The following PIBF1 variants were observed in gnomAD, a reference collection of about 807,000 sequenced individuals.
The protein encoded by PIBF1 is progesterone immunomodulatory binding factor 1, also known as progesterone-induced-blocking factor 1.
Under a neutral mutation model 112.5 loss-of-function variants are expected in PIBF1, and 90 were observed. The observed-to-expected ratio is 0.80, with a 90% CI of 0.67 to 0.95. The LOEUF is 0.95. PIBF1 is among the 40% of genes least tolerant of loss of function. The pLI is 0.00. For missense variants in PIBF1, 915 were observed against 852.3 expected, an observed-to-expected ratio of 1.07 and a Z score of -0.92; for synonymous variants, 301 against 288.6, an observed-to-expected ratio of 1.04 and a Z score of -0.44.
chr13:72,789,484 C>T (rs534669114), intron 2 of PIBF1, among the ~76,000 whole-genome samples: 1 of 152,188 alleles, frequency 6.6e-6, no homozygotes, highest in Admixed American at 6.5e-5. Flanking sequence ...CAGAATTGAG[C>T]TCTTTAAAAT....
chr13:72,801,039 G>C (rs1291719497), intron 5 of PIBF1, among the ~76,000 whole-genome samples: 1 of 152,182 alleles, frequency 6.6e-6, no homozygotes. Context: ...AGGCAGGGGG[G>C]TACTTTGGTA....
chr13:72,925,172 A>T (rs1397974218), intron 13 of PIBF1, among the ~76,000 whole-genome samples: 1 of 152,252 alleles, frequency 6.6e-6, no homozygotes, highest in Non-Finnish European at 1.5e-5. Context: ...TGGGAACAGG[A>T]TATAGACATC....
At chr13:72,922,008 C>G (rs189730179) in intron 13 of PIBF1, among the ~76,000 whole-genome samples, 2 of 152,308 alleles carry the variant, frequency 1.3e-5, no homozygotes, top group East Asian at 3.9e-4. Context: ...TTTTAAGAGT[C>G]TCACTCTGTT....
At chr13:72,934,592 T>A (rs2186158) in intron 14 of PIBF1, among the ~76,000 whole-genome samples, 6 of 152,068 alleles carry the variant, frequency 3.9e-5, no homozygotes, top group Non-Finnish European at 8.8e-5. Flanking sequence ...GATGAAATAC[T>A]GATAACTAAT....
intron 16 of PIBF1, among the ~76,000 whole-genome samples, chr13:72,977,632 G>A (rs193146083): frequency 6.0e-4 from 91 of 152,298 alleles, no homozygotes; most frequent in Admixed American, 2.4e-3. Flanking sequence ...GAAAAAGCAA[G>A]TAGGACAATT....
intron 9 of PIBF1, among the ~76,000 whole-genome samples, chr13:72,842,735 A>G (rs1020696291): frequency 6.6e-6 from 1 of 152,216 alleles, no homozygotes; most frequent in African/African-American, 2.4e-5. Context: ...AGGTATCTGT[A>G]TAATGTTTTA....
chr13:72,883,617 A>G (rs2039729565), intron 10 of PIBF1, among the ~76,000 whole-genome samples: 1 of 152,136 alleles, frequency 6.6e-6, no homozygotes, highest in African/African-American at 2.4e-5. Context: ...CCTCCTGAGT[A>G]GCTGGGATCA....
chr13:72,898,956 C>T (rs2040383951), intron 11 of PIBF1, among the ~76,000 whole-genome samples: 1 of 151,664 alleles, frequency 6.6e-6, no homozygotes, highest in South Asian at 2.1e-4. Flanking sequence ...ACAACTGACA[C>T]CACTGAAATA....
intron 10 of PIBF1, among the ~76,000 whole-genome samples, chr13:72,872,622 C>A (rs2039215599): frequency 1.3e-5 from 2 of 151,980 alleles, no homozygotes; most frequent in Admixed American, 1.3e-4. Context: ...TAATTTTATT[C>A]TCAGTTTTTA....
At chr13:72,862,284 C>T (rs1402371281) in intron 10 of PIBF1, among the ~76,000 whole-genome samples, 1 of 152,074 alleles carries the variant, frequency 6.6e-6, no homozygotes, top group Admixed American at 6.6e-5. Context: ...AGTATCTGCG[C>T]AAAATAAGTA....
intron 10 of PIBF1, among the ~76,000 whole-genome samples, chr13:72,873,066 G>GA (rs2039232964): frequency 6.6e-6 from 1 of 152,164 alleles, no homozygotes; most frequent in Non-Finnish European, 1.5e-5. Context: ...AAACTCAGCA[G>GA]ACTTTTTTTG....
At chr13:73,002,983 C>CAAAAA (rs1161228077) in intron 17 of PIBF1, among the ~76,000 whole-genome samples, 993 of 57,356 alleles carry the variant, frequency 0.017, 140 homozygotes, top group African/African-American at 0.03. Context: ...ACTCTGGTCT[C>CAAAAA]AAAAAAAAAA....
intron 10 of PIBF1, among the ~76,000 whole-genome samples, chr13:72,892,785 T>TACAC (rs113653296): frequency 0.023 from 3,169 of 140,722 alleles, 63 homozygotes; most frequent in African/African-American, 0.045. Context: ...CCTCCTGCCT[T>TACAC]ACACACACAC....
chr13:72,891,504 A>AT (rs11414135), intron 10 of PIBF1, among the ~76,000 whole-genome samples: 112,338 of 151,416 alleles, frequency 0.74, 42,043 homozygotes, highest in African/African-American at 0.81. Context: ...AGTAAAAGGT[A>AT]TTTTTTTTAC....
At position 72,875,729 on chromosome 13, in the gene PIBF1, CTG is replaced by C. The variant is rs201248274; in HGVS notation, c.1323-18053_1323-18052del. On this transcript the variant is annotated intron_variant, in intron 10 of 17. Coordinates refer to ENST00000326291, the MANE Select transcript of PIBF1 (RefSeq NM_006346.4). ...CTTTTCACGTGTTTATTGGCCATCA[CTG>C]TATCTTCTTTGGTGATGTGGCTATT... Among the ~76,000 whole-genome samples, 1,300 of 152,280 alleles carry C rather than the reference CTG, an allele frequency of 8.5e-3. 66 individuals carry two copies. Among genetic ancestry groups the C allele is most frequent in the East Asian group, 9.6e-3 (50 of 5,188 alleles).
intron 14 of PIBF1, among the ~76,000 whole-genome samples, chr13:72,946,631 C>G (rs2042154659): frequency 6.6e-6 from 1 of 152,174 alleles, no homozygotes; most frequent in Admixed American, 6.5e-5. Flanking sequence ...TTCCTAGATA[C>G]AGTGGGGGTA....
rs149573239 is a variant in PIBF1, at chr13:72,985,750, T to C, written c.2049+12075T>C. On this transcript the variant is annotated intron_variant, in intron 16 of 17. Transcript: ENST00000326291. ...AAGGTACAGGCACTGGAGTGAGTCATACTCTGAAAACCAGTGCTCTAAGTG... is the reference window on the plus strand; with the variant it reads ...AAGGTACAGGCACTGGAGTGAGTCACACTCTGAAAACCAGTGCTCTAAGTG... 3.0e-3 allele frequency among the ~76,000 whole-genome samples: 457 copies of C among 152,292 alleles called. 6 individuals carry two copies. The highest frequency in any genetic ancestry group is 0.01 in the African/African-American group (433 of 41,556).
chr13:72,907,039 A>T lies in PIBF1; in HGVS notation c.1489-1492A>T, dbSNP rs996558152. On this transcript the variant is annotated intron_variant, in intron 11 of 17. Transcript: ENST00000326291. ...CAAGTTTCTAGAAAACACATTCCCA[A>T]CAAGCAAGAATAAAGAAGAAATAAT... Among the ~76,000 whole-genome samples, 3 of 152,254 alleles carry T rather than the reference A, an allele frequency of 2.0e-5. No individual in the cohort carries two copies. The East Asian group carries it at 5.8e-4, about 29-fold the overall frequency.
At chr13:72,809,132 C>CTTTTTTTTTTTTTTTTTTTTT (rs35219701) in intron 5 of PIBF1, among the ~76,000 whole-genome samples, 1 of 74,854 alleles carries the variant, frequency 1.3e-5, no homozygotes, top group African/African-American at 6.2e-5. Context: ...GTATATGTCC[C>CTTTTTTTTTTTTTTTTTTTTT]TTTTTTTTTT....
Sources: allele counts gnomAD v4.1 joint callset (sites outside exome capture counted in the v4.1 genomes callset), GRCh38; gene constraint gnomAD v4.1.1; transcripts MANE v1.5; gene names NCBI Gene and HGNC (gene_info 2026-07-23, HGNC 2026-07-21).